PLAGL1: variants seen among roughly 807,000 people sequenced by gnomAD.
PLAGL1 encodes the protein PLAG1 like zinc finger 1.
In PLAGL1, 1 loss-of-function variant was observed where a neutral mutation model predicts 4.6. The ratio of observed to expected loss-of-function variants is 0.22; its 90% CI spans 0.08 to 1.03. The LOEUF is 1.03. Ranked by LOEUF, PLAGL1 falls within the 50% of genes least tolerant of loss-of-function variation. The pLI, the probability that PLAGL1 is intolerant of heterozygous loss-of-function variation, is 0.58. For synonymous variants in PLAGL1, 240 were observed against 237.8 expected, an observed-to-expected ratio of 1.01 and a Z score of -0.08; for missense variants, 464 against 570.4, an observed-to-expected ratio of 0.81 and a Z score of 1.90.
rs34750629 is a variant in PLAGL1, at chr6:143,977,470, C to CTTTTTT, written c.-544+7659_-544+7664dup. ...TTTTTATTTTTTTCTTCTTCTTCTT[C>CTTTTTT]TTTTTTTTTTTTTTTTTTTTTGAGA... On this transcript the variant is annotated intron_variant, in intron 2 of 7. Coordinates refer to ENST00000674357, the MANE Select transcript of PLAGL1 (RefSeq NM_001317162.2). 5.8e-3 allele frequency among the ~76,000 whole-genome samples: 402 copies of CTTTTTT among 69,316 alleles called. 5 individuals are homozygous for CTTTTTT. The highest frequency in any genetic ancestry group is 0.014 in the East Asian group (31 of 2,256). 45.5% of individuals were successfully genotyped at this position (69,316 alleles called of 152,430 possible).
Position 143,949,576 on chromosome 6 carries a change from A to G in PLAGL1, c.-324-1116T>C, listed in dbSNP as rs1038219308. 8.5e-5 allele frequency among the ~76,000 whole-genome samples: 13 copies of G among 152,202 alleles called. No homozygotes were observed. Among genetic ancestry groups the G allele is most frequent in the Non-Finnish European group, 1.9e-4 (13 of 68,030 alleles). On this transcript the variant is annotated intron_variant, in intron 6 of 7. Coordinates refer to ENST00000674357, the MANE Select transcript of PLAGL1 (RefSeq NM_001317162.2). The surrounding 1 kb of genome is among the most constrained non-coding windows in gnomAD (Gnocchi z 5.3). ...ACTACCTGCCAGGGTAAAGCCCTGG[A>G]TCACTACCACCCTGTGCTATTCTAG...
chr6:143,969,722 G>A (rs1487762016), intron 2 of PLAGL1, among the ~76,000 whole-genome samples: 1 of 151,944 alleles, frequency 6.6e-6, no homozygotes, highest in Non-Finnish European at 1.5e-5. Flanking sequence ...ACCTCAGCAG[G>A]GATGAGGGTG....
chr6:143,948,285 T>A lies in PLAGL1; in HGVS notation c.-149A>T, dbSNP rs1385686263. ...GGAGAGGCAGCATCGTGGGCCTGGT[T>A]CTACCCAGACATGGACCTCTCAGCT... On this transcript the variant is annotated 5_prime_UTR_variant, in exon 7 of 8. Coordinates refer to ENST00000674357, the MANE Select transcript of PLAGL1 (RefSeq NM_001317162.2). This position sits in a 1 kb window ranked among gnomAD's most constrained non-coding sequence, Gnocchi z 6.0. The A allele has an allele frequency of 7.6e-6, 5 of 660,304 alleles. No individual in the cohort carries two copies. The African/African-American group carries it at 9.0e-5, about 12-fold the overall frequency. The allele number at this position is 660,304 out of a possible 1,614,324, so 40.9% of individuals were successfully genotyped here.
upstream of PLAGL1, among the ~76,000 whole-genome samples, chr6:144,011,411 C>T (rs1236072844): frequency 6.6e-6 from 1 of 152,074 alleles, no homozygotes; most frequent in African/African-American, 2.4e-5. The surrounding 1 kb of genome is among the most constrained non-coding windows in gnomAD (Gnocchi z 4.3). Flanking sequence ...GATCTTAATC[C>T]CATGTAATTT....
chr6:144,055,714 G>T lies in PLAGL1; in HGVS notation c.-151+8754C>A, dbSNP rs978944016. 6.6e-6 allele frequency among the ~76,000 whole-genome samples: 1 copy of T among 152,180 alleles called. No individual in the cohort carries two copies. The highest frequency in any genetic ancestry group is 1.5e-5 in the Non-Finnish European group (1 of 68,032). On this transcript the variant is annotated intron_variant, in intron 1 of 3. Transcript: ENST00000437412. The surrounding 1 kb of genome is among the most constrained non-coding windows in gnomAD (Gnocchi z 5.0). ...CATCTCCAGATCTGGAGCCACAGTT[G>T]TCAGAGATATAAATCATAACTACAG...
chr6:144,045,784 T>G (rs1185589956), intron 1 of PLAGL1, among the ~76,000 whole-genome samples: 1 of 152,238 alleles, frequency 6.6e-6, no homozygotes, highest in Non-Finnish European at 1.5e-5. Flanking sequence ...GAAGAGTGTT[T>G]TCCAGCTTGG....
At position 143,979,597 on chromosome 6, in the gene PLAGL1, T is replaced by C. The variant is rs531479452; in HGVS notation, c.-544+5538A>G. Among the ~76,000 whole-genome samples the C allele has an allele frequency of 2.2e-4, 34 of 152,226 alleles. No homozygotes were observed. The highest frequency in any genetic ancestry group is 7.5e-4 in the African/African-American group (31 of 41,572). Reference sequence around the variant, plus strand: ...GTTCATGTAGAGTATAAAAACTTTATAGTTATATTTTTCCTCACCTGACCT... The same window carrying C: ...GTTCATGTAGAGTATAAAAACTTTACAGTTATATTTTTCCTCACCTGACCT... On this transcript the variant is annotated intron_variant, in intron 2 of 7. Coordinates refer to ENST00000674357, the MANE Select transcript of PLAGL1 (RefSeq NM_001317162.2). The surrounding 1 kb of genome is among the most constrained non-coding windows in gnomAD (Gnocchi z 4.6).
Position 143,941,370 on chromosome 6 carries a change from A to C in PLAGL1, c.*54T>G. On this transcript the variant is annotated 3_prime_UTR_variant, in exon 8 of 8. Coordinates refer to ENST00000674357, the MANE Select transcript of PLAGL1 (RefSeq NM_001317162.2). This position sits in a 1 kb window ranked among gnomAD's most constrained non-coding sequence, Gnocchi z 6.0. ...CTTTCTCATATTGTAACTGACATTTAAAATGCTTCTTAAAACATCTTCCAG... is the reference window on the plus strand; with the variant it reads ...CTTTCTCATATTGTAACTGACATTTCAAATGCTTCTTAAAACATCTTCCAG... 15 of 1,371,160 alleles carry C rather than the reference A, an allele frequency of 1.1e-5. No homozygotes were observed. The highest frequency in any genetic ancestry group is 1.5e-5 in the Non-Finnish European group (15 of 1,017,560). 84.9% of individuals were successfully genotyped at this position (1,371,160 alleles called of 1,614,324 possible).
intron 2 of PLAGL1, among the ~76,000 whole-genome samples, chr6:143,974,705 G>C (rs533429822): frequency 3.3e-5 from 5 of 152,120 alleles, no homozygotes; most frequent in Non-Finnish European, 7.4e-5. Flanking sequence ...AATCACGACA[G>C]AAATATCTGT....
In PLAGL1 at chr6:144,050,017, A is replaced by T. The variant is rs1329395378; in HGVS notation, c.-151+14451T>A. 2.0e-5 allele frequency among the ~76,000 whole-genome samples: 3 copies of T among 152,124 alleles called. No homozygotes were observed. The highest frequency in any genetic ancestry group is 4.8e-5 in the African/African-American group (2 of 41,422). The stretch of plus-strand genomic sequence containing the variant: ...AGGTGCAGATGCGAAAAATGGCAGA[A>T]GGGGGAAAGGGTGAATGGGAGGGAA... On this transcript the variant is annotated intron_variant, in intron 1 of 3. Coordinates refer to the PLAGL1 transcript ENST00000437412. The surrounding 1 kb of genome is among the most constrained non-coding windows in gnomAD (Gnocchi z 4.3).
In PLAGL1 at chr6:143,989,824, T is replaced by G. The variant is rs545570133; in HGVS notation, c.-583-4650A>C. 6.6e-6 allele frequency among the ~76,000 whole-genome samples: 1 copy of G among 152,358 alleles called. No homozygotes were observed. Among genetic ancestry groups the G allele is most frequent in the African/African-American group, 2.4e-5 (1 of 41,588 alleles). The stretch of plus-strand genomic sequence containing the variant: ...TTCCCTAATCTTTGGTCATTTCATT[T>G]CACACCTTCTCTCCTATCTTCCAAT... On this transcript the variant is annotated intron_variant, in intron 1 of 7. Transcript: ENST00000674357. The surrounding 1 kb of genome is among the most constrained non-coding windows in gnomAD (Gnocchi z 4.8).
chr6:143,998,415 T>G (rs1792132437), intron 1 of PLAGL1, among the ~76,000 whole-genome samples: 1 of 152,252 alleles, frequency 6.6e-6, no homozygotes. Flanking sequence ...GTTTTGCCAC[T>G]TACTAACTAT....
chr6:144,013,124 C>G (rs546156058), upstream of PLAGL1, among the ~76,000 whole-genome samples: 4 of 152,266 alleles, frequency 2.6e-5, no homozygotes, highest in East Asian at 7.7e-4. The surrounding 1 kb of genome is among the most constrained non-coding windows in gnomAD (Gnocchi z 4.4). Context: ...CACTTTTTCT[C>G]TAAGTATTTG....
Position 144,050,784 on chromosome 6 carries a change from C to G in PLAGL1, c.-151+13684G>C, listed in dbSNP as rs925826166. Among the ~76,000 whole-genome samples, 1 of 152,142 alleles carries G rather than the reference C, an allele frequency of 6.6e-6. No individual in the cohort carries two copies. Among genetic ancestry groups the G allele is most frequent in the Non-Finnish European group, 1.5e-5 (1 of 68,016 alleles). ...TGGTGGCACATGCCTGTTGTCCCAG[C>G]TACTCAAGAGGCTGAGGTGGCAGGA... On this transcript the variant is annotated intron_variant, in intron 1 of 3. Coordinates refer to the PLAGL1 transcript ENST00000437412. This position sits in a 1 kb window ranked among gnomAD's most constrained non-coding sequence, Gnocchi z 4.3.
intron 1 of PLAGL1, chr6:144,007,831 T>C (rs2281476): frequency 0.25 from 37,371 of 152,110 alleles, 4,771 homozygotes; most frequent in Admixed American, 0.35. Flanking sequence ...GTGGACCTCA[T>C]ACCAGATAGG....
In PLAGL1 at chr6:143,954,806, G is replaced by A. The variant is rs761191659; in HGVS notation, c.-325+5663C>T. Among the ~76,000 whole-genome samples, 1 of 152,152 alleles carries A rather than the reference G, an allele frequency of 6.6e-6. No homozygotes were observed. Among genetic ancestry groups the A allele is most frequent in the Non-Finnish European group, 1.5e-5 (1 of 68,028 alleles). On this transcript the variant is annotated intron_variant, in intron 6 of 7. Transcript: ENST00000674357. This position sits in a 1 kb window ranked among gnomAD's most constrained non-coding sequence, Gnocchi z 5.1. The stretch of plus-strand genomic sequence containing the variant: ...AATTATTTATTTGCAGAGGAATGTC[G>A]ATATAGAAAATCCCAAAGAATCCAC...
intron 2 of PLAGL1, among the ~76,000 whole-genome samples, chr6:143,976,612 C>A (rs1786608379): frequency 6.6e-6 from 1 of 152,024 alleles, no homozygotes; most frequent in Admixed American, 6.6e-5. Context: ...TTCTTCATTA[C>A]CATTTATATC....
rs9496839 is a variant in PLAGL1, at chr6:144,022,471, T to G, written c.-151+41997A>C. Among the ~76,000 whole-genome samples the G allele has an allele frequency of 0.33, 50,880 of 152,124 alleles. 8,552 individuals carry two copies. Among genetic ancestry groups the G allele is most frequent in the South Asian group, 0.38 (1,835 of 4,828 alleles). On this transcript the variant is annotated intron_variant, in intron 1 of 3. Coordinates refer to the PLAGL1 transcript ENST00000437412. The surrounding 1 kb of genome is among the most constrained non-coding windows in gnomAD (Gnocchi z 4.2). ...GGTACAGCCACTTTGGAAGACAGTT[T>G]GGCAATTTATTACAAAGCTAAACAT...
intron 1 of PLAGL1, among the ~76,000 whole-genome samples, chr6:144,003,171 G>GT (rs973483279): frequency 6.6e-6 from 1 of 151,924 alleles, no homozygotes; most frequent in Non-Finnish European, 1.5e-5. Flanking sequence ...GAAAGGTGTT[G>GT]TTTTTTTCAA....
Sources: gnomAD v4.1 joint callset for allele counts (sites outside exome capture counted in the v4.1 genomes callset) on GRCh38, gnomAD v4.1.1 for gene constraint, Gnocchi (gnomAD v3.1) non-coding constraint, MANE v1.5 for transcripts, NCBI Gene and HGNC (gene_info 2026-07-23, HGNC 2026-07-21) for gene names.